The following PTPRD variants were observed in gnomAD, a reference collection of about 807,000 sequenced individuals.
PTPRD encodes the protein receptor-type tyrosine-protein phosphatase delta.
A neutral mutation model predicts 214.5 loss-of-function variants in PTPRD; 34 were observed. The ratio of observed to expected loss-of-function variants is 0.16; its 90% confidence interval spans 0.12 to 0.21. PTPRD has a LOEUF of 0.21. PTPRD is among the 10% of genes least tolerant of loss of function. The pLI, the probability that PTPRD is intolerant of heterozygous loss-of-function variation, is 1.00. For synonymous variants in PTPRD, 1,128 were observed against 845.7 expected (o/e 1.33, Z -5.79); for missense variants, 2,545 against 2,398.7 (o/e 1.06, Z -1.27).
chr9:9,775,954 C>CAAAAAAAAAAAAAA (rs59412193), intron 5 of PTPRD, among the ~76,000 whole-genome samples: 1 of 28,924 alleles, frequency 3.5e-5, no homozygotes, highest in Non-Finnish European at 5.9e-5. Context: ...GACTCTGTCT[C>CAAAAAAAAAAAAAA]AAAAAAAAAA....
At chr9:10,509,579 A>ATATATATATATATATT (rs1402201904) in intron 2 of PTPRD, among the ~76,000 whole-genome samples, 1,422 of 131,170 alleles carry the variant, frequency 0.011, 22 homozygotes, top group Non-Finnish European at 0.018. Context: ...ATATATATAT[A>ATATATATATATATATT]TTTTACTCAC....
intron 10 of PTPRD, among the ~76,000 whole-genome samples, chr9:9,165,505 C>T (rs2130722848): frequency 6.6e-6 from 1 of 152,220 alleles, no homozygotes; most frequent in South Asian, 2.1e-4. Context: ...GAAATGGCTG[C>T]TGTTTGGGAT....
At chr9:9,731,220 A>G (rs1009314382) in intron 7 of PTPRD, among the ~76,000 whole-genome samples, 1 of 152,110 alleles carries the variant, frequency 6.6e-6, no homozygotes, top group African/African-American at 2.4e-5. Context: ...AATTTAATGG[A>G]GTATTTTTAA....
chr9:9,450,520 C>G (rs1474549318), intron 8 of PTPRD, among the ~76,000 whole-genome samples: 1 of 151,592 alleles, frequency 6.6e-6, no homozygotes, highest in African/African-American at 2.4e-5. Flanking sequence ...AGCTATTTTT[C>G]TTAATCAGGA....
intron 3 of PTPRD, among the ~76,000 whole-genome samples, chr9:10,304,568 AG>A (rs2095991526): frequency 6.6e-6 from 1 of 152,186 alleles, no homozygotes; most frequent in Admixed American, 6.5e-5. Context: ...GCAAAGTCTC[AG>A]GATACAAAAC....
At chr9:8,421,130 C>CATTGATTGATTGATTGATTGATCAGAGAT (rs2094330456) in intron 35 of PTPRD, among the ~76,000 whole-genome samples, 1 of 152,146 alleles carries the variant, frequency 6.6e-6, no homozygotes, top group Non-Finnish European at 1.5e-5. Flanking sequence ...CATGCTTATT[C>CATTGATTGATTGATTGATTGATCAGAGAT]ATGACTTGAT....
intron 8 of PTPRD, among the ~76,000 whole-genome samples, chr9:9,445,619 G>GA (rs2090125144): frequency 6.6e-6 from 1 of 152,050 alleles, no homozygotes; most frequent in Admixed American, 6.6e-5. Context: ...AGCAAAGGGG[G>GA]AAAATCCTCT....
rs142462987 is a variant in PTPRD, at chr9:8,562,131, T to A, written c.353-33352A>T. Among the ~76,000 whole-genome samples, 535 of 152,274 alleles carry A rather than the reference T, an allele frequency of 3.5e-3. 7 individuals carry two copies. Among genetic ancestry groups the A allele is most frequent in the African/African-American group, 0.013 (523 of 41,578 alleles). On this transcript the variant is annotated intron_variant, in intron 14 of 45. Coordinates refer to ENST00000381196, the MANE Select transcript of PTPRD (RefSeq NM_002839.4). ...AGGTATATATCCAAAATGGTGACAG[T>A]GACAGATTCTGATTTTCCCATTTTG... is the stretch of plus-strand genomic sequence containing the variant.
At chr9:9,721,571 G>A (rs61237271) in intron 7 of PTPRD, among the ~76,000 whole-genome samples, 2,574 of 152,174 alleles carry the variant, frequency 0.017, 74 homozygotes, top group African/African-American at 0.057. Flanking sequence ...GGAAAAGCCC[G>A]CATTTTGCTA....
chr9:9,240,748 T>C (rs1055190288), intron 9 of PTPRD, among the ~76,000 whole-genome samples: 5 of 152,214 alleles, frequency 3.3e-5, no homozygotes, highest in African/African-American at 9.6e-5. Context: ...ATAAAATTCC[T>C]AGAAGTCTAT....
intron 8 of PTPRD, among the ~76,000 whole-genome samples, chr9:9,541,417 G>A (rs367945540): frequency 2.6e-5 from 4 of 151,722 alleles, no homozygotes; most frequent in South Asian, 2.1e-4. Context: ...TAGGAGAGAC[G>A]CCATCTTGGA....
rs572279977 is a variant in PTPRD, at chr9:10,316,221, C to T, written c.-545+24742G>A. On this transcript the variant is annotated intron_variant, in intron 3 of 45. Coordinates refer to ENST00000381196, the MANE Select transcript of PTPRD (RefSeq NM_002839.4). ...GACACACACACATATATGATAAAGA[C>T]GACTGTGCACTATTATACAAAATAT... 6.0e-4 allele frequency among the ~76,000 whole-genome samples: 89 copies of T among 149,056 alleles called. 1 individual carries two copies. In the South Asian group the frequency reaches 0.014, roughly 24 times the overall value.
intron 2 of PTPRD, among the ~76,000 whole-genome samples, chr9:10,548,999 A>C (rs973343695): frequency 6.6e-6 from 1 of 152,190 alleles, no homozygotes; most frequent in African/African-American, 2.4e-5. Flanking sequence ...ATTTTCCACA[A>C]GCAACTTCAT....
chr9:9,066,544 C>T (rs1335644294), intron 10 of PTPRD, among the ~76,000 whole-genome samples: 2 of 128,622 alleles, frequency 1.6e-5, no homozygotes, highest in African/African-American at 5.0e-5. Flanking sequence ...CCTCATATGA[C>T]CAACAACAAC....
At chr9:8,499,256 A>T (rs1325493013) in intron 25 of PTPRD, among the ~76,000 whole-genome samples, 4 of 152,218 alleles carry the variant, frequency 2.6e-5, no homozygotes, top group Admixed American at 2.0e-4. Context: ...AAATTAGAAC[A>T]ACTAAGTTGC....
chr9:9,079,113 T>C (rs1307025187), intron 10 of PTPRD, among the ~76,000 whole-genome samples: 1 of 152,100 alleles, frequency 6.6e-6, no homozygotes, highest in Non-Finnish European at 1.5e-5. Context: ...CTGTTAACTA[T>C]GGTCATCCTA....
chr9:9,471,195 GACT>G (rs1401750301), intron 8 of PTPRD, among the ~76,000 whole-genome samples: 1 of 152,106 alleles, frequency 6.6e-6, no homozygotes, highest in Non-Finnish European at 1.5e-5. Flanking sequence ...TTCACAATTT[GACT>G]ACATTTGTGT....
At chr9:9,138,294 T>C (rs1043813614) in intron 10 of PTPRD, among the ~76,000 whole-genome samples, 2 of 152,118 alleles carry the variant, frequency 1.3e-5, no homozygotes, top group South Asian at 2.1e-4. Context: ...TATTGAGATG[T>C]GGTGAGAGTT....
At chr9:9,694,614 A>C (rs2097336671) in intron 7 of PTPRD, among the ~76,000 whole-genome samples, 1 of 151,968 alleles carries the variant, frequency 6.6e-6, no homozygotes, top group African/African-American at 2.4e-5. Flanking sequence ...AAAGTAAAAA[A>C]ACCTTAGCAA....
Sources: gnomAD v4.1 joint callset for allele counts (sites outside exome capture counted in the v4.1 genomes callset) on GRCh38, gnomAD v4.1.1 for gene constraint, MANE v1.5 for transcripts, NCBI Gene and HGNC (gene_info 2026-07-23, HGNC 2026-07-21) for gene names.